Variants in LMBR1 observed in about 807,000 individuals in gnomAD.
LMBR1 encodes the protein limb development membrane protein 1, also known as limb region 1 protein homolog.
LMBR1 carries 52 observed loss-of-function variants against 73.9 expected under a neutral mutation model. That is an observed-to-expected ratio of 0.70 (90% confidence interval 0.56 to 0.89). The LOEUF is 0.89. Among genes scored for constraint, LMBR1 ranks in the 40% least tolerant of loss-of-function variants. The pLI is 0.00. For synonymous variants in LMBR1, 215 were observed against 209.4 expected, an observed-to-expected ratio of 1.03 and a Z score of -0.23; for missense variants, 539 against 579.8, an observed-to-expected ratio of 0.93 and a Z score of 0.72.
chr7:156,753,775 G>A (rs2132761107), intron 9 of LMBR1, among the ~76,000 whole-genome samples: 1 of 152,264 alleles, frequency 6.6e-6, no homozygotes, highest in East Asian at 1.9e-4. Context: ...CGCCTGCCGA[G>A]ATCACAGTGA....
intron 10 of LMBR1, among the ~76,000 whole-genome samples, chr7:156,729,908 T>C (rs1002913038): frequency 4.6e-5 from 7 of 152,320 alleles, no homozygotes; most frequent in African/African-American, 1.2e-4. Context: ...TTAAAAAATC[T>C]GTATGAACGT....
intron 4 of LMBR1, 131 bp downstream of exon 4, chr7:156,826,474 T>A (rs112211875): frequency 2.2e-4 from 119 of 541,734 alleles, no homozygotes; most frequent in African/African-American, 1.9e-3. Context: ...TCTGACATTA[T>A]TAAAGACCCA....
At chr7:156,878,468 A>G (rs998004760) in intron 1 of LMBR1, among the ~76,000 whole-genome samples, 4 of 152,194 alleles carry the variant, frequency 2.6e-5, no homozygotes, top group Non-Finnish European at 5.9e-5. Flanking sequence ...CAAAAAAACA[A>G]ATAAATAAAA....
chr7:156,696,249 G>C (rs1808262147), intron 15 of LMBR1, among the ~76,000 whole-genome samples: 1 of 152,152 alleles, frequency 6.6e-6, no homozygotes, highest in Non-Finnish European at 1.5e-5. Flanking sequence ...CTTGTTCAAA[G>C]ATATTGTTAG....
At chr7:156,684,340 T>C (rs909080314) in intron 16 of LMBR1, among the ~76,000 whole-genome samples, 177 bp from the exon 17 acceptor site, 4 of 152,170 alleles carry the variant, frequency 2.6e-5, no homozygotes, top group African/African-American at 7.2e-5. Flanking sequence ...AACCTCCCTT[T>C]GGGGATGGCC....
intron 4 of LMBR1, among the ~76,000 whole-genome samples, chr7:156,803,252 T>C (rs893636206): frequency 6.6e-6 from 1 of 151,942 alleles, no homozygotes; most frequent in African/African-American, 2.4e-5. Flanking sequence ...AACTTACTCA[T>C]CTGACAAAGG....
intron 8 of LMBR1, among the ~76,000 whole-genome samples, chr7:156,757,625 T>C (rs1249946904): frequency 2.6e-5 from 4 of 152,236 alleles, no homozygotes. Flanking sequence ...CAGTGTTCCA[T>C]ATCCTCACAT....
chr7:156,758,880 C>T (rs536462912), intron 8 of LMBR1, among the ~76,000 whole-genome samples: 1 of 152,312 alleles, frequency 6.6e-6, no homozygotes, highest in Admixed American at 6.5e-5. Context: ...GAGCACCATC[C>T]TCCTTGATTT....
chr7:156,775,307 G>A (rs1325103593), intron 5 of LMBR1, among the ~76,000 whole-genome samples: 4 of 152,186 alleles, frequency 2.6e-5, no homozygotes, highest in African/African-American at 9.7e-5. Context: ...GGAGGAGGTT[G>A]CAGTGAGCCG....
Position 156,678,210 on chromosome 7 carries a change from CT to C in LMBR1, c.*5867del, listed in dbSNP as rs1804403716. ...CTTTGCAACCAAGTGCAGTACTTTACTGACACAGGAACTAGTGTTAGTTGCA... is the reference window on the plus strand; with the variant it reads ...CTTTGCAACCAAGTGCAGTACTTTACGACACAGGAACTAGTGTTAGTTGCA... On this transcript the variant is annotated 3_prime_UTR_variant, in exon 17 of 17. Coordinates refer to ENST00000353442, the MANE Select transcript of LMBR1 (RefSeq NM_022458.4). The C allele has an allele frequency of 6.6e-6, 1 of 152,210 alleles. No homozygotes were observed. Among genetic ancestry groups the C allele is most frequent in the East Asian group, 1.9e-4 (1 of 5,198 alleles). The allele number at this position is 152,210 out of a possible 1,614,324, so 9.4% of individuals were successfully genotyped here. A position where few individuals can be genotyped will look rare whatever the true frequency, so the allele number is the denominator to read the frequency against.
chr7:156,711,394 A>G (rs902813513), intron 15 of LMBR1, among the ~76,000 whole-genome samples: 1 of 152,202 alleles, frequency 6.6e-6, no homozygotes, highest in Non-Finnish European at 1.5e-5. Context: ...CTCATGAATC[A>G]GAAGTATTAA....
intron 10 of LMBR1, among the ~76,000 whole-genome samples, chr7:156,728,932 T>C (rs1429000270): frequency 2.0e-5 from 3 of 152,096 alleles, no homozygotes; most frequent in Admixed American, 1.3e-4. Flanking sequence ...TGCAACCTCC[T>C]AGGCTCAAGT....
rs990767177 is a variant in LMBR1, at chr7:156,678,849, T to C, written c.*5229A>G. 1 of 152,194 alleles carries C rather than the reference T, an allele frequency of 6.6e-6. No homozygotes were observed. The highest frequency in any genetic ancestry group is 2.4e-5 in the African/African-American group (1 of 41,444). The allele number at this position is 152,194 out of a possible 1,614,324, so 9.4% of individuals were successfully genotyped here. A position where few individuals can be genotyped will look rare whatever the true frequency, so the allele number is the denominator to read the frequency against. ...CTTTAAATCCACTTAATTAGGAGCCTACCATTCCATGGGCGGGGGGAATCA... is the reference window on the plus strand; with the variant it reads ...CTTTAAATCCACTTAATTAGGAGCCCACCATTCCATGGGCGGGGGGAATCA... On this transcript the variant is annotated 3_prime_UTR_variant, in exon 17 of 17. Transcript: ENST00000353442.
intron 15 of LMBR1, among the ~76,000 whole-genome samples, chr7:156,702,099 G>T (rs1809875071): frequency 6.6e-6 from 1 of 152,174 alleles, no homozygotes; most frequent in Admixed American, 6.5e-5. Context: ...ATATGTGCAT[G>T]TATCTTTATA....
At chr7:156,805,888 G>C (rs889556533) in intron 4 of LMBR1, among the ~76,000 whole-genome samples, 1 of 152,142 alleles carries the variant, frequency 6.6e-6, no homozygotes, top group Non-Finnish European at 1.5e-5. Flanking sequence ...CCCTATAGGA[G>C]GAGACAGAAG....
chr7:156,676,497 G>C, downstream of LMBR1: 2 of 1,614,000 alleles, frequency 1.2e-6, no homozygotes, highest in Non-Finnish European at 1.7e-6. Flanking sequence ...CGTGGGTGCA[G>C]GCAGGCGTTC....
chr7:156,711,009 A>T (rs1412526259), intron 15 of LMBR1, among the ~76,000 whole-genome samples: 3 of 152,160 alleles, frequency 2.0e-5, no homozygotes, highest in Middle Eastern at 3.2e-3. Flanking sequence ...GAAAAAAATA[A>T]ATAAATAAAA....
intron 15 of LMBR1, 72 bp from the exon 16 acceptor site, chr7:156,688,263 A>G (rs966183441): frequency 1.3e-5 from 14 of 1,067,584 alleles, no homozygotes; most frequent in Non-Finnish European, 1.9e-5. Context: ...CAAGTAAAGT[A>G]CAAGTTAGAT....
chr7:156,824,614 G>A (rs1033287788), intron 4 of LMBR1, among the ~76,000 whole-genome samples: 5 of 152,108 alleles, frequency 3.3e-5, no homozygotes, highest in African/African-American at 4.8e-5. Context: ...AGGCCAAGGT[G>A]GGAGATCACT....
Sources: gnomAD v4.1 joint callset for allele counts (sites outside exome capture counted in the v4.1 genomes callset) on GRCh38, gnomAD v4.1.1 for gene constraint, MANE v1.5 for transcripts, NCBI Gene and HGNC (gene_info 2026-07-23, HGNC 2026-07-21) for gene names.